DGKG: variants seen among roughly 807,000 people sequenced by gnomAD.
The protein encoded by DGKG is DAG kinase gamma.
DGKG carries 78 observed loss-of-function variants against 105.3 expected under a neutral mutation model. The observed-to-expected ratio is 0.74, with a 90% confidence interval of 0.62 to 0.89. The LOEUF (loss-of-function observed/expected upper bound fraction) is 0.89. Among genes scored for constraint, DGKG ranks in the 40% least tolerant of loss-of-function variants. The pLI, the probability that DGKG is intolerant of heterozygous loss-of-function variation, is 0.00. For synonymous variants in DGKG, 346 were observed against 367.1 expected (o/e 0.94, Z 0.66); for missense variants, 958 against 1,020.1 (o/e 0.94, Z 0.83).
Position 186,279,903 on chromosome 3 carries a change from T to C in DGKG, c.740A>G (p.His247Arg). 2 of 1,614,172 alleles carry C rather than the reference T, an allele frequency of 1.2e-6. No individual in the cohort carries two copies. The highest frequency in any genetic ancestry group is 1.7e-6 in the Non-Finnish European group (2 of 1,179,992). Residue 247 changes from histidine to arginine, a missense_variant, in exon 9 of 25, where the codon CAT becomes CGT. Around this residue, in one of 2 missense-constraint regions of DGKG, gnomAD observed 643 missense variants for 619.5 expected, o/e 1.04. Transcript: ENST00000265022. The stretch of plus-strand genomic sequence containing the variant: ...CAATGGGATGGTGGTCATCCCTCCA[T>C]GGACCCATTCCTGTAGAGACACAAA... ...DGFVSLQEWV[H>R]GGMTTIPLLV...
intron 5 of DGKG, among the ~76,000 whole-genome samples, chr3:186,294,536 C>CA (rs10574886): frequency 0.29 from 30,648 of 106,534 alleles, 4,407 homozygotes; most frequent in Non-Finnish European, 0.35. Flanking sequence ...AACTCTGTCT[C>CA]AAAAAAAAAA....
intron 24 of DGKG, among the ~76,000 whole-genome samples, chr3:186,150,474 A>C (rs943993328): frequency 5.9e-5 from 9 of 152,166 alleles, no homozygotes; most frequent in African/African-American, 2.2e-4. Flanking sequence ...ACAGACTCTC[A>C]GAATGTCACA....
Position 186,149,336 on chromosome 3 carries a change from A to G in DGKG, c.*754T>C. 3 of 985,410 alleles carry G rather than the reference A, an allele frequency of 3.0e-6. No homozygotes were observed. The South Asian group carries it at 1.4e-4, about 46-fold the overall frequency. The allele number at this position is 985,410 out of a possible 1,614,324, so 61.0% of individuals were successfully genotyped here. The stretch of plus-strand genomic sequence containing the variant: ...CCTCCCAGGTGTTCACAGAACTAAG[A>G]AAATAAATACCACATCTAAGGTGTG... On this transcript the variant is annotated 3_prime_UTR_variant, in exon 25 of 25. Coordinates refer to ENST00000265022, the MANE Select transcript of DGKG (RefSeq NM_001346.3).
At chr3:186,341,207 G>A (rs751267053) in intron 1 of DGKG, among the ~76,000 whole-genome samples, 5 of 152,222 alleles carry the variant, frequency 3.3e-5, no homozygotes, top group Non-Finnish European at 7.3e-5. Context: ...TAACAAAGAA[G>A]CAGATATCAC....
At chr3:186,152,549 A>G (rs1481613186) in intron 24 of DGKG, among the ~76,000 whole-genome samples, 3 of 152,150 alleles carry the variant, frequency 2.0e-5, no homozygotes, top group African/African-American at 7.2e-5. Flanking sequence ...TTCAGGGTAC[A>G]ACACACTGTG....
intron 5 of DGKG, among the ~76,000 whole-genome samples, chr3:186,294,743 A>T (rs1186807721): frequency 7.0e-6 from 1 of 142,382 alleles, no homozygotes; most frequent in Non-Finnish European, 1.5e-5. Flanking sequence ...ATGCCTGAAT[A>T]TGCCTCCTCT....
chr3:186,268,885 G>A lies in DGKG; in HGVS notation c.1032C>T (p.Ser344=), dbSNP rs369561542. 1 of 1,614,028 alleles carries A rather than the reference G, an allele frequency of 6.2e-7. No homozygotes were observed. Reference sequence around the variant, plus strand: ...TGTGGCACCGGTCACACTTGACGGAGGAGTTCCCTTCCACCCATGCGTGCT... The same window carrying A: ...TGTGGCACCGGTCACACTTGACGGAAGAGTTCCCTTCCACCCATGCGTGCT... ...VMQHAWVEGN[S]SVKCDRCHKS... is the part of the protein sequence containing the mutation. Residue 344 remains serine (S), a synonymous_variant, in exon 12 of 25, where the codon TCC becomes TCT. Coordinates refer to ENST00000265022, the MANE Select transcript of DGKG (RefSeq NM_001346.3).
rs901648399 is a variant in DGKG, at chr3:186,183,786, C to A, written c.2095+4416G>T. On this transcript the variant is annotated intron_variant, in intron 22 of 24. Coordinates refer to ENST00000265022, the MANE Select transcript of DGKG (RefSeq NM_001346.3). The stretch of plus-strand genomic sequence containing the variant: ...GTGGTGCAATCTCAGCTCACTGCAA[C>A]CTCCGCCTTCCAGGTTCAAGCGATT... 7.2e-5 allele frequency among the ~76,000 whole-genome samples: 11 copies of A among 152,022 alleles called. No homozygotes were observed. The East Asian group carries it at 1.7e-3, about 24-fold the overall frequency.
At chr3:186,283,330 C>T (rs1722912020) in intron 7 of DGKG, among the ~76,000 whole-genome samples, 1 of 152,158 alleles carries the variant, frequency 6.6e-6, no homozygotes, top group South Asian at 2.1e-4. Flanking sequence ...TCTGTTTACT[C>T]ATTCTGCTCC....
intron 20 of DGKG, among the ~76,000 whole-genome samples, chr3:186,216,320 C>T (rs1417031271): frequency 6.6e-6 from 1 of 151,994 alleles, no homozygotes; most frequent in African/African-American, 2.4e-5. Context: ...AATAGCATCA[C>T]CAAGACCTAA....
chr3:186,224,306 A>G (rs577354056), intron 20 of DGKG, among the ~76,000 whole-genome samples: 4 of 152,186 alleles, frequency 2.6e-5, no homozygotes, highest in Admixed American at 6.5e-5. Flanking sequence ...TGTGTTCCCC[A>G]TATGTGCCTG....
rs1722126459 is a variant in DGKG, at chr3:186,267,785, G to A, written c.1117-8C>T. 5.0e-6 allele frequency: 8 copies of A among 1,613,118 alleles called. No homozygotes were observed. The highest frequency in any genetic ancestry group is 5.9e-6 in the Non-Finnish European group (7 of 1,179,160). On this transcript the variant is annotated splice_region_variant and splice_polypyrimidine_tract_variant and intron_variant, in intron 12 of 24. Transcript: ENST00000265022. ...TTCACATTTGCGGTGAAACTGGGGGGAGAAATGAAAAAGAGAGTGAGTGAA... is the reference window on the plus strand; with the variant it reads ...TTCACATTTGCGGTGAAACTGGGGGAAGAAATGAAAAAGAGAGTGAGTGAA...
At chr3:186,283,415 C>T (rs1722916224) in intron 7 of DGKG, among the ~76,000 whole-genome samples, 1 of 152,176 alleles carries the variant, frequency 6.6e-6, no homozygotes, top group African/African-American at 2.4e-5. Context: ...GTTCTTTCTC[C>T]TGGAAGGCTC....
At chr3:186,258,890 G>A (rs967857205) in intron 16 of DGKG, among the ~76,000 whole-genome samples, 7 of 152,134 alleles carry the variant, frequency 4.6e-5, no homozygotes, top group African/African-American at 1.7e-4. Flanking sequence ...TCACCAGACT[G>A]CCAAGGGGGT....
intron 21 of DGKG, among the ~76,000 whole-genome samples, chr3:186,205,599 A>T (rs1217665754): frequency 6.6e-6 from 1 of 151,966 alleles, no homozygotes; most frequent in Non-Finnish European, 1.5e-5. Flanking sequence ...AATCCCAGCT[A>T]CTCAGGAGGC....
intron 1 of DGKG, among the ~76,000 whole-genome samples, chr3:186,327,878 G>A (rs940796139): frequency 6.6e-6 from 1 of 152,050 alleles, no homozygotes; most frequent in African/African-American, 2.4e-5. Context: ...TCCTTCAGAA[G>A]CCTCCCTTGG....
At chr3:186,173,537 G>A (rs1018126633) in intron 22 of DGKG, among the ~76,000 whole-genome samples, 3 of 152,248 alleles carry the variant, frequency 2.0e-5, no homozygotes, top group East Asian at 1.9e-4. Context: ...CTAAGGCGCC[G>A]GCAGGCATGT....
chr3:186,261,435 AATG>A, intron 15 of DGKG, among the ~76,000 whole-genome samples: 1 of 152,324 alleles, frequency 6.6e-6, no homozygotes, highest in South Asian at 2.1e-4. Context: ...TGGTCTTAAT[AATG>A]GCTCACGTGG....
intron 21 of DGKG, among the ~76,000 whole-genome samples, chr3:186,202,701 G>A (rs1718531537): frequency 6.6e-6 from 1 of 152,220 alleles, no homozygotes; most frequent in Non-Finnish European, 1.5e-5. Flanking sequence ...ACAGAAGTTG[G>A]CTGAGAGGAT....
Sources: gnomAD v4.1 joint callset for allele counts (sites outside exome capture counted in the v4.1 genomes callset) on GRCh38, gnomAD v4.1.1 for gene constraint, gnomAD v4.1.1 regional missense constraint, MANE v1.5 for transcripts, NCBI Gene and HGNC (gene_info 2026-07-23, HGNC 2026-07-21) for gene names.